CNTN5: variants seen among roughly 807,000 people sequenced by gnomAD.
The protein encoded by CNTN5 is contactin-5.
CNTN5 carries 77 observed loss-of-function variants against 129.1 expected under a neutral mutation model. The ratio of observed to expected loss-of-function variants is 0.60; its 90% CI spans 0.50 to 0.72. The LOEUF is 0.72. CNTN5 is among the 30% of genes least tolerant of loss of function. The pLI, the probability that CNTN5 is intolerant of heterozygous loss-of-function variation, is 0.00. For missense variants in CNTN5, 1,478 were observed against 1,328.8 expected, an observed-to-expected ratio of 1.11 and a Z score of -1.75; for synonymous variants, 509 against 465.6, an observed-to-expected ratio of 1.09 and a Z score of -1.20.
chr11:99,911,525 T>C (rs1949658790), intron 6 of CNTN5, among the ~76,000 whole-genome samples: 1 of 151,888 alleles, frequency 6.6e-6, no homozygotes, highest in South Asian at 2.1e-4. Flanking sequence ...CCCCAATAAC[T>C]AAACCAAGCT....
chr11:99,669,131 T>G (rs1952925160), intron 3 of CNTN5, among the ~76,000 whole-genome samples: 1 of 152,160 alleles, frequency 6.6e-6, no homozygotes, highest in Non-Finnish European at 1.5e-5. Flanking sequence ...ACCTCTACAT[T>G]TATAATTTTA....
At chr11:100,272,565 C>G (rs78757382) in intron 18 of CNTN5, among the ~76,000 whole-genome samples, 1 of 151,892 alleles carries the variant, frequency 6.6e-6, no homozygotes, top group Non-Finnish European at 1.5e-5. Flanking sequence ...AGATGGCCCA[C>G]TAGACTCAAG....
chr11:99,988,726 CTT>C (rs1178613994), intron 8 of CNTN5, among the ~76,000 whole-genome samples: 3 of 152,130 alleles, frequency 2.0e-5, no homozygotes, highest in Admixed American at 6.6e-5. Context: ...TGACTATTCT[CTT>C]TATGAATTCC....
intron 2 of CNTN5, among the ~76,000 whole-genome samples, chr11:99,358,718 A>G (rs1037926625): frequency 2.6e-5 from 4 of 152,176 alleles, no homozygotes; most frequent in Non-Finnish European, 5.9e-5. Context: ...GACAGGACAT[A>G]CATTTATTTT....
chr11:99,922,004 G>C (rs1288160666), intron 7 of CNTN5, among the ~76,000 whole-genome samples: 2 of 152,128 alleles, frequency 1.3e-5, no homozygotes, highest in African/African-American at 4.8e-5. Context: ...AGTCAAAAAA[G>C]CTTGCTGAAG....
At chr11:99,557,576 T>C (rs763214636) in intron 3 of CNTN5, among the ~76,000 whole-genome samples, 6 of 151,436 alleles carry the variant, frequency 4.0e-5, no homozygotes, top group Non-Finnish European at 5.9e-5. Context: ...TACAAGAAAA[T>C]ATAAACTCTT....
intron 2 of CNTN5, among the ~76,000 whole-genome samples, chr11:99,368,735 G>T (rs1470380933): frequency 6.6e-6 from 1 of 152,058 alleles, no homozygotes; most frequent in Non-Finnish European, 1.5e-5. Flanking sequence ...AGTTCCCATG[G>T]TTACTAAATT....
At chr11:99,967,639 G>T (rs905045097) in intron 8 of CNTN5, among the ~76,000 whole-genome samples, 5 of 152,068 alleles carry the variant, frequency 3.3e-5, no homozygotes, top group African/African-American at 1.2e-4. Flanking sequence ...TGTATGAGGC[G>T]CTTGCGTTCC....
intron 1 of CNTN5, among the ~76,000 whole-genome samples, chr11:99,060,769 T>A (rs1242269420): frequency 1.3e-5 from 2 of 152,098 alleles, no homozygotes; most frequent in Non-Finnish European, 2.9e-5. Flanking sequence ...TGTCCCCACA[T>A]TAAGATCTAT....
intron 24 of CNTN5, among the ~76,000 whole-genome samples, chr11:100,353,103 T>G (rs1455900221): frequency 6.6e-6 from 1 of 151,680 alleles, no homozygotes; most frequent in Non-Finnish European, 1.5e-5. Context: ...ACCTTGGAAG[T>G]ACTTATGACA....
At chr11:99,737,134 CACACACACAA>C (rs202083149) in intron 3 of CNTN5, among the ~76,000 whole-genome samples, 1,988 of 150,504 alleles carry the variant, frequency 0.013, 31 homozygotes, top group African/African-American at 0.044. Context: ...CACACATGCA[CACACACACAA>C]ACACACACAC....
intron 3 of CNTN5, among the ~76,000 whole-genome samples, chr11:99,653,613 A>C (rs1206172425): frequency 1.3e-5 from 2 of 152,092 alleles, no homozygotes; most frequent in African/African-American, 4.8e-5. Flanking sequence ...ATAGGCAAGA[A>C]AGAAATGTAA....
At chr11:99,963,888 G>A (rs960815453) in intron 8 of CNTN5, among the ~76,000 whole-genome samples, 1 of 152,052 alleles carries the variant, frequency 6.6e-6, no homozygotes, top group African/African-American at 2.4e-5. Flanking sequence ...CTTGTAAGTT[G>A]GATTCCTAAG....
chr11:99,610,236 G>A lies in CNTN5; in HGVS notation c.55+53967G>A, dbSNP rs1488066756. ...CAACTAACTCTAAAATATTCAGACT[G>A]TAGGGGTTCTATTAATGGGTTCTCT... On this transcript the variant is annotated intron_variant, in intron 3 of 24. Coordinates refer to ENST00000524871, the MANE Select transcript of CNTN5 (RefSeq NM_014361.4). Among the ~76,000 whole-genome samples, 4 of 152,120 alleles carry A rather than the reference G, an allele frequency of 2.6e-5. No homozygotes were observed. The East Asian group carries it at 7.7e-4, about 29-fold the overall frequency.
At chr11:99,739,428 T>C (rs1485579180) in intron 3 of CNTN5, among the ~76,000 whole-genome samples, 1 of 152,118 alleles carries the variant, frequency 6.6e-6, no homozygotes, top group South Asian at 2.1e-4. Flanking sequence ...TTTTTCGGAA[T>C]CTTTTACACC....
chr11:99,532,040 G>C (rs374831051), intron 2 of CNTN5, among the ~76,000 whole-genome samples: 2 of 151,994 alleles, frequency 1.3e-5, no homozygotes, highest in Non-Finnish European at 2.9e-5. Flanking sequence ...CAGATCCACC[G>C]ACAGCTTGCC....
intron 2 of CNTN5, among the ~76,000 whole-genome samples, chr11:99,380,768 CAA>C (rs769229566): frequency 5.9e-5 from 6 of 102,464 alleles, no homozygotes; most frequent in Non-Finnish European, 9.0e-5. Context: ...AACTCTATCT[CAA>C]AAAAAAAAAA....
chr11:99,466,731 A>G (rs1395314852), intron 2 of CNTN5, among the ~76,000 whole-genome samples: 2 of 152,172 alleles, frequency 1.3e-5, no homozygotes, highest in Admixed American at 6.5e-5. Flanking sequence ...AGCTCCCCCT[A>G]TCTATGACAC....
At chr11:100,095,044 A>G (rs1944956599) in intron 13 of CNTN5, among the ~76,000 whole-genome samples, 2 of 152,142 alleles carry the variant, frequency 1.3e-5, no homozygotes, top group Admixed American at 1.3e-4. Flanking sequence ...TGAACTGAGT[A>G]TTTTAGGATA....
Sources: gnomAD v4.1 joint callset for allele counts (sites outside exome capture counted in the v4.1 genomes callset) on GRCh38, gnomAD v4.1.1 for gene constraint, MANE v1.5 for transcripts, NCBI Gene and HGNC (gene_info 2026-07-23, HGNC 2026-07-21) for gene names.